KCNMA1: variants seen among roughly 807,000 people sequenced by gnomAD.
KCNMA1 encodes potassium calcium-activated channel subfamily M alpha 1.
In KCNMA1, 29 loss-of-function variants were observed where a neutral mutation model predicts 140.0. The observed-to-expected ratio is 0.21, with a 90% CI of 0.15 to 0.28. The LOEUF (loss-of-function observed/expected upper bound fraction) is 0.28. Among genes scored for constraint, KCNMA1 ranks in the 10% least tolerant of loss-of-function variants. The pLI is 1.00. For synonymous variants in KCNMA1, 612 were observed against 611.9 expected, an observed-to-expected ratio of 1.00 and a Z score of 0.00; for missense variants, 880 against 1,602.2, an observed-to-expected ratio of 0.55 and a Z score of 7.70.
intron 2 of KCNMA1, among the ~76,000 whole-genome samples, chr10:77,328,986 G>A (rs554347756): frequency 1.3e-5 from 2 of 151,848 alleles, no homozygotes; most frequent in Admixed American, 6.6e-5. Context: ...GACTACAGGC[G>A]CCTGCCACCA....
chr10:77,037,034 C>T (rs1053615278), intron 15 of KCNMA1, among the ~76,000 whole-genome samples: 23 of 152,132 alleles, frequency 1.5e-4, no homozygotes, highest in African/African-American at 5.6e-4. Flanking sequence ...TATATATATT[C>T]CAGAAACTTT....
chr10:77,583,464 A>T (rs2076409275), intron 1 of KCNMA1, among the ~76,000 whole-genome samples: 2 of 152,252 alleles, frequency 1.3e-5, no homozygotes. Flanking sequence ...ATACCAGGAG[A>T]GTCTCATCTC....
chr10:77,593,868 C>A (rs910504207), intron 1 of KCNMA1, among the ~76,000 whole-genome samples: 1 of 152,216 alleles, frequency 6.6e-6, no homozygotes, highest in African/African-American at 2.4e-5. Context: ...CCCAGGCATT[C>A]CCCTGGAGGG....
At chr10:77,340,497 T>C (rs918212570) in intron 2 of KCNMA1, among the ~76,000 whole-genome samples, 3 of 151,794 alleles carry the variant, frequency 2.0e-5, no homozygotes, top group Non-Finnish European at 4.4e-5. Context: ...ATTAAGAAAA[T>C]GTGCACATAT....
At chr10:77,073,029 T>C in intron 14 of KCNMA1, 68 bp downstream of exon 14, 1 of 1,435,406 alleles carries the variant, frequency 7.0e-7, no homozygotes, top group Middle Eastern at 1.9e-4. Context: ...GTTTAAGCTG[T>C]GCTCTCTACT....
chr10:76,917,589 A>T (rs2053501927), intron 23 of KCNMA1, among the ~76,000 whole-genome samples: 1 of 152,068 alleles, frequency 6.6e-6, no homozygotes, highest in African/African-American at 2.4e-5. Flanking sequence ...TTCCATTAGC[A>T]TCTGCAACTG....
rs569698244 is a variant in KCNMA1, at chr10:77,213,014, AT to A, written c.603-28099del. ...ATTGCCGACGTATGCATAGTTCTGG[AT>A]TTTTTTTTTAAGTAATTTGTAGTTG... On this transcript the variant is annotated intron_variant, in intron 3 of 27. Transcript: ENST00000286628. 1.4e-3 allele frequency among the ~76,000 whole-genome samples: 210 copies of A among 149,168 alleles called. 1 individual carries two copies. The highest frequency in any genetic ancestry group is 2.0e-3 in the Non-Finnish European group (134 of 67,056).
intron 21 of KCNMA1, among the ~76,000 whole-genome samples, chr10:76,953,443 CA>C: frequency 6.6e-6 from 1 of 152,042 alleles, no homozygotes; most frequent in Non-Finnish European, 1.5e-5. Flanking sequence ...AACCGAAGTG[CA>C]AAAAGTCAAA....
At chr10:77,435,579 A>G (rs1036260748) in intron 1 of KCNMA1, among the ~76,000 whole-genome samples, 1 of 152,232 alleles carries the variant, frequency 6.6e-6, no homozygotes, top group Non-Finnish European at 1.5e-5. Flanking sequence ...TCCTGTCCAT[A>G]TATCACTAGA....
rs753964361 is a variant in KCNMA1 at position 76,891,686 on chromosome 10, G to A, written c.3181C>T (p.Arg1061Trp). The change falls in exon 26 of 28, where the codon CGG becomes TGG. Residue 1061 changes from arginine (R) to tryptophan (W), a missense_variant. By Grantham distance (101) the Arg-to-Trp change is moderately radical (BLOSUM62 -3). Coordinates refer to ENST00000286628, the MANE Select transcript of KCNMA1 (RefSeq NM_001161352.2). ...GTGGCTCCTCCGGTCACCAGGGTCC[G>A]TATCAGGGTGAGGATATTGTCATTG... ...YFNDNILTLI[R>W]TLVTGGATPE... is the part of the protein sequence containing the mutation. The A allele has an allele frequency of 1.2e-6, 2 of 1,613,976 alleles. No individual in the cohort carries two copies. Among genetic ancestry groups the A allele is most frequent in the Non-Finnish European group, 8.5e-7 (1 of 1,179,984 alleles).
Position 76,889,500 on chromosome 10 carries a change from A to G in KCNMA1, c.3412T>C (p.Tyr1138His), listed in dbSNP as rs1302313695. ...KTYNMLCFGI[Y>H]RLRDAHLSTP... ...CTGAGGTGAGCATCTCTCAGCCGGT[A>G]AATTCCAAAACAAAGCATATTATAT... is the stretch of plus-strand genomic sequence containing the variant. The change falls in exon 27 of 28, where the codon TAC (tyrosine) becomes CAC (histidine). Residue 1138 changes from tyrosine to histidine, a missense_variant. Physicochemically the swap from Tyr to His is moderately conservative, Grantham distance 83 (BLOSUM62 2). Coordinates refer to ENST00000286628, the MANE Select transcript of KCNMA1 (RefSeq NM_001161352.2). 1 of 1,614,012 alleles carries G rather than the reference A, an allele frequency of 6.2e-7. No individual in the cohort carries two copies. The highest frequency in any genetic ancestry group is 8.5e-7 in the Non-Finnish European group (1 of 1,180,018).
intron 1 of KCNMA1, among the ~76,000 whole-genome samples, chr10:77,633,815 C>G (rs1020173154): frequency 6.6e-6 from 1 of 152,184 alleles, no homozygotes; most frequent in Non-Finnish European, 1.5e-5. Flanking sequence ...CAACAAACCA[C>G]AGCTCCAACA....
At chr10:77,625,722 T>C (rs1004013605) in intron 1 of KCNMA1, among the ~76,000 whole-genome samples, 7 of 152,232 alleles carry the variant, frequency 4.6e-5, no homozygotes, top group African/African-American at 1.7e-4. Flanking sequence ...TGTATGTACC[T>C]ACCACAATTC....
At chr10:77,247,547 T>A (rs529132393) in intron 3 of KCNMA1, among the ~76,000 whole-genome samples, 1 of 152,266 alleles carries the variant, frequency 6.6e-6, no homozygotes, top group East Asian at 1.9e-4. Context: ...TCAGAATATG[T>A]GGGAGGACAG....
chr10:76,950,853 A>T (rs1418729840), intron 21 of KCNMA1, among the ~76,000 whole-genome samples: 1 of 152,186 alleles, frequency 6.6e-6, no homozygotes, highest in African/African-American at 2.4e-5. Context: ...CGGAGACATA[A>T]GCTGTAAGAA....
At chr10:77,141,581 C>T (rs576355465) in intron 5 of KCNMA1, among the ~76,000 whole-genome samples, 22 of 152,306 alleles carry the variant, frequency 1.4e-4, no homozygotes, top group African/African-American at 5.1e-4. Context: ...CTCAGATGTC[C>T]AGCTTTCAGA....
intron 1 of KCNMA1, among the ~76,000 whole-genome samples, chr10:77,607,492 A>G (rs577101577): frequency 6.6e-6 from 1 of 152,280 alleles, no homozygotes; most frequent in Middle Eastern, 3.4e-3. Flanking sequence ...CTTGAGATGA[A>G]GAGATTAGCC....
intron 1 of KCNMA1, among the ~76,000 whole-genome samples, chr10:77,633,153 T>A (rs1326197175): frequency 6.6e-6 from 1 of 151,900 alleles, no homozygotes; most frequent in Admixed American, 6.6e-5. Context: ...CGTCTCTACT[T>A]AAAATACAAA....
intron 3 of KCNMA1, chr10:77,250,787 A>G (rs992969444): frequency 2.2e-5 from 5 of 229,652 alleles, no homozygotes; most frequent in Non-Finnish European, 3.5e-5. Context: ...TGGAAACCCA[A>G]TTGAGAAAAG....
Sources: gnomAD v4.1 joint callset for allele counts (sites outside exome capture counted in the v4.1 genomes callset) on GRCh38, gnomAD v4.1.1 for gene constraint, MANE v1.5 for transcripts, NCBI Gene and HGNC (gene_info 2026-07-23, HGNC 2026-07-21) for gene names.